BACH2: variants seen among roughly 807,000 people sequenced by gnomAD.
BACH2 encodes the protein BACH transcriptional regulator 2.
BACH2 carries 5 observed loss-of-function variants against 61.8 expected under a neutral mutation model. The ratio of observed to expected loss-of-function variants is 0.08; its 90% CI spans 0.04 to 0.17. BACH2 has a LOEUF of 0.17. Ranked by LOEUF, BACH2 falls within the 10% of genes least tolerant of loss-of-function variation. The pLI is 1.00. For missense variants in BACH2, 824 were observed against 1,091.1 expected, an observed-to-expected ratio of 0.76 and a Z score of 3.45; for synonymous variants, 446 against 440.1, an observed-to-expected ratio of 1.01 and a Z score of -0.17.
intron 4 of BACH2, among the ~76,000 whole-genome samples, chr6:90,173,806 T>C (rs10455168): frequency 0.24 from 36,432 of 152,118 alleles, 5,729 homozygotes; most frequent in Non-Finnish European, 0.35. Flanking sequence ...ACTTAAAATA[T>C]GTGAGTTTGA....
intron 2 of BACH2, among the ~76,000 whole-genome samples, chr6:90,267,467 T>G (rs1228059780): frequency 6.6e-6 from 1 of 152,196 alleles, no homozygotes; most frequent in African/African-American, 2.4e-5. Context: ...CAGGTGTGAC[T>G]CTACAGCAAT....
chr6:90,070,955 G>A (rs1312105222), intron 5 of BACH2, among the ~76,000 whole-genome samples: 3 of 152,092 alleles, frequency 2.0e-5, no homozygotes, highest in African/African-American at 7.2e-5. Context: ...ACTCAAGTTT[G>A]TTTGTTTTCC....
chr6:89,955,207 C>G (rs1017212759), intron 6 of BACH2, among the ~76,000 whole-genome samples: 1 of 152,204 alleles, frequency 6.6e-6, no homozygotes, highest in South Asian at 2.1e-4. Flanking sequence ...GATTCCAAAC[C>G]AAGTCCAGTC....
At chr6:90,102,389 T>C (rs1228367207) in intron 4 of BACH2, among the ~76,000 whole-genome samples, 1 of 152,218 alleles carries the variant, frequency 6.6e-6, no homozygotes, top group Non-Finnish European at 1.5e-5. Flanking sequence ...GTATCATTCA[T>C]TGAGGATGCC....
intron 3 of BACH2, among the ~76,000 whole-genome samples, chr6:90,217,621 C>T (rs563529741): frequency 6.6e-6 from 1 of 152,170 alleles, no homozygotes; most frequent in Non-Finnish European, 1.5e-5. Flanking sequence ...AGATAATCTA[C>T]TCACTATTCT....
chr6:90,039,450 T>C (rs1779420117), intron 5 of BACH2, among the ~76,000 whole-genome samples: 1 of 152,150 alleles, frequency 6.6e-6, no homozygotes, highest in African/African-American at 2.4e-5. Flanking sequence ...AGAGGCGCGA[T>C]CTTGGCTCAG....
At chr6:90,046,620 T>C (rs900432242) in intron 5 of BACH2, among the ~76,000 whole-genome samples, 4 of 152,144 alleles carry the variant, frequency 2.6e-5, no homozygotes, top group African/African-American at 7.2e-5. Context: ...CAGCATCCGA[T>C]TTTTCTGGGT....
intron 1 of BACH2, among the ~76,000 whole-genome samples, chr6:90,284,583 G>A (rs1232870006): frequency 6.6e-6 from 1 of 152,170 alleles, no homozygotes; most frequent in South Asian, 2.1e-4. Flanking sequence ...GCCCCGACAG[G>A]AGATGCTTAG....
At chr6:90,198,354 T>C (rs1449064664) in intron 4 of BACH2, among the ~76,000 whole-genome samples, 3 of 151,912 alleles carry the variant, frequency 2.0e-5, no homozygotes, top group African/African-American at 7.3e-5. Flanking sequence ...ATCCACCGAC[T>C]CTCCTCCGAC....
intron 2 of BACH2, among the ~76,000 whole-genome samples, chr6:90,266,786 C>T (rs549410739): frequency 2.0e-5 from 3 of 152,134 alleles, no homozygotes; most frequent in African/African-American, 7.2e-5. Flanking sequence ...TTAATGGGGA[C>T]GGAGTTTCCT....
chr6:90,064,410 T>C (rs1387150669), intron 5 of BACH2, among the ~76,000 whole-genome samples: 1 of 152,218 alleles, frequency 6.6e-6, no homozygotes, highest in Non-Finnish European at 1.5e-5. Flanking sequence ...CTGAGGAATA[T>C]GGTCCAGACA....
intron 7 of BACH2, among the ~76,000 whole-genome samples, chr6:89,939,888 G>C (rs1390884014): frequency 7.1e-6 from 1 of 141,822 alleles, no homozygotes; most frequent in African/African-American, 2.6e-5. Flanking sequence ...GAAAAAAAGA[G>C]ATGAAGTCTC....
chr6:90,157,044 A>G (rs1320486798), intron 4 of BACH2, among the ~76,000 whole-genome samples: 1 of 152,214 alleles, frequency 6.6e-6, no homozygotes, highest in Non-Finnish European at 1.5e-5. Context: ...ACTCTTCAAG[A>G]GCTTCAAGGC....
intron 2 of BACH2, among the ~76,000 whole-genome samples, chr6:90,259,089 C>T (rs1334809315): frequency 6.6e-6 from 1 of 152,138 alleles, no homozygotes; most frequent in East Asian, 1.9e-4. Flanking sequence ...ATTGCTGGTA[C>T]TTCCAGTACT....
At chr6:90,146,874 A>C (rs1784636877) in intron 4 of BACH2, among the ~76,000 whole-genome samples, 2 of 152,234 alleles carry the variant, frequency 1.3e-5, no homozygotes, top group African/African-American at 4.8e-5. Flanking sequence ...ATGACGATTA[A>C]AACTATTCAT....
Position 89,966,838 on chromosome 6 carries a change from T to G in BACH2, c.244-14976A>C, listed in dbSNP as rs572609558. Among the ~76,000 whole-genome samples the G allele has an allele frequency of 4.9e-4, 75 of 152,296 alleles. 2 individuals are homozygous for G. In the South Asian group the frequency reaches 0.016, roughly 32 times the overall value. On this transcript the variant is annotated intron_variant, in intron 6 of 8. Transcript: ENST00000257749. ...AGAGCAGTGTGTCCAGGACTTCAGG[T>G]TGCTGGGGCATGAAGGCAGGGTCCT...
chr6:90,155,747 T>C (rs1414428135), intron 4 of BACH2, among the ~76,000 whole-genome samples: 2 of 152,322 alleles, frequency 1.3e-5, no homozygotes, highest in African/African-American at 2.4e-5. Context: ...TAACTTACTA[T>C]AATTTGCTTG....
chr6:90,106,442 C>A (rs757780793), intron 4 of BACH2, among the ~76,000 whole-genome samples: 11 of 152,196 alleles, frequency 7.2e-5, no homozygotes, highest in Non-Finnish European at 1.2e-4. Flanking sequence ...ATTACAACTG[C>A]TTATAGTATT....
At chr6:90,126,791 A>T (rs1041809202) in intron 4 of BACH2, among the ~76,000 whole-genome samples, 2 of 152,224 alleles carry the variant, frequency 1.3e-5, no homozygotes, top group African/African-American at 4.8e-5. Flanking sequence ...AAGTGGCCAG[A>T]TGCCCAGTGG....
Sources: allele counts gnomAD v4.1 joint callset (sites outside exome capture counted in the v4.1 genomes callset), GRCh38; gene constraint gnomAD v4.1.1; transcripts MANE v1.5; gene names NCBI Gene and HGNC (gene_info 2026-07-23, HGNC 2026-07-21).